The following ZNF710 variants were observed in gnomAD, a reference collection of about 807,000 sequenced individuals.
The protein encoded by ZNF710 is zinc finger protein 710.
A neutral mutation model predicts 50.6 loss-of-function variants in ZNF710; 13 were observed. The ratio of observed to expected loss-of-function variants is 0.26; its 90% CI spans 0.17 to 0.41. ZNF710 has a LOEUF of 0.41. Among genes scored for constraint, ZNF710 ranks in the 10% least tolerant of loss-of-function variants. ZNF710 has a pLI of 1.00. For synonymous variants in ZNF710, 383 were observed against 397.0 expected (o/e 0.96, Z 0.42); for missense variants, 721 against 936.6 (o/e 0.77, Z 3.01).
intron 1 of ZNF710, among the ~76,000 whole-genome samples, chr15:90,042,512 A>G (rs1274201142): frequency 6.6e-6 from 1 of 151,926 alleles, no homozygotes; most frequent in East Asian, 1.9e-4. Context: ...CAATCAATAA[A>G]CCAATCAGTC....
chr15:90,047,574 T>G (rs1899502516), intron 1 of ZNF710, among the ~76,000 whole-genome samples: 1 of 144,642 alleles, frequency 6.9e-6, no homozygotes, highest in Admixed American at 7.0e-5. Flanking sequence ...ACAAGTTTCT[T>G]TTCTTTTTCT....
intron 1 of ZNF710, among the ~76,000 whole-genome samples, chr15:90,001,885 G>GGGGGGAGGGAGAGGA (rs1898020413): frequency 7.1e-6 from 1 of 141,256 alleles, no homozygotes; most frequent in African/African-American, 2.6e-5. Context: ...GTCTGGGGTG[G>GGGGGGAGGGAGAGGA]GGGGGAGGGA....
intron 1 of ZNF710, chr15:90,026,110 A>G (rs1189808056): frequency 6.6e-6 from 1 of 152,144 alleles, no homozygotes; most frequent in Non-Finnish European, 1.5e-5. Flanking sequence ...AAAGGCAGAA[A>G]TCAATGAATT....
At chr15:90,013,366 G>A (rs1898365843) in intron 1 of ZNF710, among the ~76,000 whole-genome samples, 1 of 152,220 alleles carries the variant, frequency 6.6e-6, no homozygotes, top group Non-Finnish European at 1.5e-5. Context: ...GCCTCCCAAA[G>A]TACTGGTATT....
intron 2 of ZNF710, among the ~76,000 whole-genome samples, chr15:90,069,451 G>A (rs6496619): frequency 0.22 from 33,262 of 151,640 alleles, 4,491 homozygotes; most frequent in East Asian, 0.57. Flanking sequence ...AAGACCCAAG[G>A]AACACAGTTT....
chr15:90,008,454 G>GTATATA (rs1378957319), intron 1 of ZNF710, among the ~76,000 whole-genome samples: 2 of 124,972 alleles, frequency 1.6e-5, no homozygotes, highest in African/African-American at 7.4e-5. Flanking sequence ...ATATATATAT[G>GTATATA]TATATATATA....
chr15:90,039,310 G>C (rs1306280000), intron 1 of ZNF710, among the ~76,000 whole-genome samples: 1 of 152,018 alleles, frequency 6.6e-6, no homozygotes, highest in Non-Finnish European at 1.5e-5. Context: ...GATGTGTACA[G>C]ATGATTTCAC....
At chr15:90,041,932 C>T (rs1172553397) in intron 1 of ZNF710, among the ~76,000 whole-genome samples, 2 of 130,208 alleles carry the variant, frequency 1.5e-5, no homozygotes, top group Non-Finnish European at 3.1e-5. Context: ...GAGTTTCGCT[C>T]TGTTGCCCAG....
chr15:90,029,961 C>A (rs1344162519), intron 1 of ZNF710, among the ~76,000 whole-genome samples: 2 of 151,986 alleles, frequency 1.3e-5, no homozygotes, highest in East Asian at 3.9e-4. Flanking sequence ...TAATCACAAT[C>A]ATATGAGCAG....
At chr15:90,031,435 C>A (rs902828340) in intron 1 of ZNF710, among the ~76,000 whole-genome samples, 2 of 152,202 alleles carry the variant, frequency 1.3e-5, no homozygotes, top group African/African-American at 4.8e-5. Context: ...GGTGATTCCT[C>A]AGCACATTTG....
chr15:90,057,482 G>A (rs560234798), intron 1 of ZNF710, among the ~76,000 whole-genome samples: 1 of 152,132 alleles, frequency 6.6e-6, no homozygotes, highest in South Asian at 2.1e-4. Context: ...GATCACTTGA[G>A]CCCAGGAGTT....
upstream of ZNF710, among the ~76,000 whole-genome samples, chr15:90,000,903 C>A (rs908682336): frequency 2.0e-5 from 3 of 152,050 alleles, no homozygotes; most frequent in Non-Finnish European, 4.4e-5. Context: ...TTGTACCGGA[C>A]AGGGCCGGGC....
chr15:90,037,900 G>A (rs1259045492), intron 1 of ZNF710, among the ~76,000 whole-genome samples: 1 of 152,188 alleles, frequency 6.6e-6, no homozygotes, highest in Non-Finnish European at 1.5e-5. Context: ...CTTGAGCAGG[G>A]AGAGACGAAT....
chr15:90,003,440 C>T (rs1898064847), intron 1 of ZNF710, among the ~76,000 whole-genome samples: 1 of 152,184 alleles, frequency 6.6e-6, no homozygotes, highest in South Asian at 2.1e-4. Flanking sequence ...TGAAGCTGCC[C>T]TCTCAGTCCT....
In ZNF710 at chr15:90,080,456, C is replaced by A. The variant is rs778515784; in HGVS notation, c.*627C>A. ...TGGGGGGCACCCAGCCCCCAGAAGACCCCTGTCCTACATCCCTTTCTGGAA... is the reference window on the plus strand; with the variant it reads ...TGGGGGGCACCCAGCCCCCAGAAGAACCCTGTCCTACATCCCTTTCTGGAA... On this transcript the variant is annotated 3_prime_UTR_variant, in exon 5 of 5. Transcript: ENST00000268154. The A allele has an allele frequency of 2.6e-5, 4 of 152,852 alleles. No individual in the cohort carries two copies. The highest frequency in any genetic ancestry group is 9.6e-5 in the African/African-American group (4 of 41,470). 9.5% of individuals were successfully genotyped at this position (152,852 alleles called of 1,614,324 possible). A position where few individuals can be genotyped will look rare whatever the true frequency, so the allele number is the denominator to read the frequency against.
At chr15:90,076,207 T>A (rs1404300030) in intron 4 of ZNF710, 1 of 152,216 alleles carries the variant, frequency 6.6e-6, no homozygotes, top group Non-Finnish European at 1.5e-5. Flanking sequence ...TGAGGAATGT[T>A]TTAAATGCTG....
intron 1 of ZNF710, among the ~76,000 whole-genome samples, chr15:90,018,604 A>C (rs1253801977): frequency 6.6e-6 from 1 of 152,134 alleles, no homozygotes; most frequent in African/African-American, 2.4e-5. Context: ...CCTTTCCGTA[A>C]ACCAGGACAG....
At chr15:90,031,243 T>C (rs1270988480) in intron 1 of ZNF710, among the ~76,000 whole-genome samples, 1 of 152,098 alleles carries the variant, frequency 6.6e-6, no homozygotes, top group African/African-American at 2.4e-5. Flanking sequence ...TTGAAGTGAA[T>C]GAAAAAGAAC....
chr15:90,031,214 G>A (rs755928681), intron 1 of ZNF710, among the ~76,000 whole-genome samples: 2 of 152,128 alleles, frequency 1.3e-5, no homozygotes, highest in Non-Finnish European at 2.9e-5. Context: ...ATAGTTGTGA[G>A]TTTAATCCAA....
Sources: gnomAD v4.1 joint callset for allele counts (sites outside exome capture counted in the v4.1 genomes callset) on GRCh38, gnomAD v4.1.1 for gene constraint, MANE v1.5 for transcripts, NCBI Gene and HGNC (gene_info 2026-07-23, HGNC 2026-07-21) for gene names.